ADCY8: variants seen among roughly 807,000 people sequenced by gnomAD.
ADCY8 encodes adenylate cyclase type 8.
ADCY8 carries 51 observed loss-of-function variants against 119.7 expected under a neutral mutation model. The ratio of observed to expected loss-of-function variants is 0.43; its 90% CI spans 0.34 to 0.54. The LOEUF (loss-of-function observed/expected upper bound fraction) is 0.54, where lower values mean the gene tolerates loss of function less well. Among genes scored for constraint, ADCY8 ranks in the 20% least tolerant of loss-of-function variants. ADCY8 has a pLI of 0.03. For missense variants in ADCY8, 1,383 were observed against 1,598.8 expected (o/e 0.87, Z 2.30); for synonymous variants, 665 against 651.0 (o/e 1.02, Z -0.33).
Position 130,945,162 on chromosome 8 carries a change from A to T in ADCY8, c.1242-1700T>A, listed in dbSNP as rs368864609. On this transcript the variant is annotated intron_variant, in intron 3 of 17. Coordinates refer to ENST00000286355, the MANE Select transcript of ADCY8 (RefSeq NM_001115.3). ...ATTCAAGGGCAGCCAGTCAGAAGGT[A>T]TCACTGAGCAAGGAGGCTAGAAAGA... Among the ~76,000 whole-genome samples the T allele has an allele frequency of 3.3e-5, 5 of 152,340 alleles. No homozygotes were observed. In the East Asian group the frequency reaches 9.6e-4, roughly 29 times the overall value.
chr8:130,920,866 T>C (rs1384059422), intron 5 of ADCY8, among the ~76,000 whole-genome samples: 1 of 152,204 alleles, frequency 6.6e-6, no homozygotes, highest in African/African-American at 2.4e-5. Flanking sequence ...GAAGATGAAA[T>C]TCTGAATCCA....
At chr8:130,886,346 G>T (rs139650546) in intron 7 of ADCY8, among the ~76,000 whole-genome samples, 34 of 152,180 alleles carry the variant, frequency 2.2e-4, no homozygotes, top group African/African-American at 7.5e-4. Context: ...ATAGATGTTA[G>T]GGGGTGGCAT....
intron 15 of ADCY8, among the ~76,000 whole-genome samples, chr8:130,795,445 G>A (rs1488980857): frequency 6.6e-6 from 1 of 152,212 alleles, no homozygotes; most frequent in South Asian, 2.1e-4. Context: ...CTGCACACTC[G>A]CGAAGCCGAC....
intron 2 of ADCY8, among the ~76,000 whole-genome samples, chr8:130,955,637 CCAAAAATT>C (rs1211237263): frequency 6.6e-6 from 1 of 152,012 alleles, no homozygotes; most frequent in Non-Finnish European, 1.5e-5. Context: ...TCAAATGGTG[CCAAAAATT>C]GTTGCTACCA....
chr8:131,013,970 GA>G (rs989780112), intron 1 of ADCY8, among the ~76,000 whole-genome samples: 2 of 151,938 alleles, frequency 1.3e-5, no homozygotes, highest in Admixed American at 6.6e-5. Context: ...TAAGAAAAAT[GA>G]AAAAATGGTT....
At chr8:130,835,792 G>A (rs954114216) in intron 12 of ADCY8, among the ~76,000 whole-genome samples, 1 of 152,082 alleles carries the variant, frequency 6.6e-6, no homozygotes, top group Non-Finnish European at 1.5e-5. Flanking sequence ...GTAAATAGTT[G>A]TTAAACTATA....
chr8:131,012,062 C>T (rs1823324510), intron 1 of ADCY8, among the ~76,000 whole-genome samples: 1 of 152,146 alleles, frequency 6.6e-6, no homozygotes, highest in Non-Finnish European at 1.5e-5. Context: ...CATCTCAGAA[C>T]CAGAAACTCT....
chr8:130,942,041 C>G (rs1395918258), intron 4 of ADCY8, among the ~76,000 whole-genome samples: 1 of 152,084 alleles, frequency 6.6e-6, no homozygotes, highest in Non-Finnish European at 1.5e-5. Context: ...CCCAAATCAC[C>G]CCACCCCATG....
At chr8:130,911,529 A>G (rs1191180768) in intron 5 of ADCY8, among the ~76,000 whole-genome samples, 1 of 151,968 alleles carries the variant, frequency 6.6e-6, no homozygotes, top group Non-Finnish European at 1.5e-5. Flanking sequence ...TTTAAAAAGA[A>G]TTATGTTTAA....
chr8:130,847,592 G>T, intron 10 of ADCY8, 79 bp from the exon 11 acceptor site: 2 of 1,217,998 alleles, frequency 1.6e-6, no homozygotes, highest in South Asian at 1.4e-5. Flanking sequence ...GCTGGAAATG[G>T]AGCAGTGTGC....
At chr8:130,948,445 A>G (rs949701041) in intron 3 of ADCY8, among the ~76,000 whole-genome samples, 2 of 152,142 alleles carry the variant, frequency 1.3e-5, no homozygotes, top group Non-Finnish European at 2.9e-5. Flanking sequence ...TTAGATTGGG[A>G]AACGGAGGCC....
intron 5 of ADCY8, among the ~76,000 whole-genome samples, chr8:130,919,032 C>T (rs1820216918): frequency 6.6e-6 from 1 of 152,278 alleles, no homozygotes; most frequent in Middle Eastern, 3.4e-3. Flanking sequence ...CACTGCATTC[C>T]AGCCTGGGCG....
At chr8:130,893,657 G>GGTGT (rs113157821) in intron 7 of ADCY8, among the ~76,000 whole-genome samples, 5,824 of 148,910 alleles carry the variant, frequency 0.039, 154 homozygotes, top group Middle Eastern at 0.13. Flanking sequence ...GGGAGAAGAA[G>GGTGT]GTGTGTGTGT....
intron 7 of ADCY8, 124 bp from the exon 8 acceptor site, chr8:130,884,885 G>C: frequency 1.0e-6 from 1 of 989,860 alleles, no homozygotes; most frequent in Non-Finnish European, 1.6e-6. Context: ...GTTGTATTCA[G>C]TGAAACCTAC....
At chr8:130,797,494 A>G (rs1481244941) in intron 15 of ADCY8, among the ~76,000 whole-genome samples, 2 of 152,170 alleles carry the variant, frequency 1.3e-5, no homozygotes, top group Non-Finnish European at 2.9e-5. Flanking sequence ...CTGTCCCCCC[A>G]TTAATGAATT....
Position 130,883,048 on chromosome 8 carries a change from C to T in ADCY8, c.2109+1516G>A, listed in dbSNP as rs181932563. 6.1e-3 allele frequency among the ~76,000 whole-genome samples: 936 copies of T among 152,228 alleles called. 6 individuals carry two copies. The highest frequency in any genetic ancestry group is 0.011 in the Non-Finnish European group (764 of 68,006). ...CTCTGGCTCTTCTAGAAGAATCTTC[C>T]CTGGTCACAGAAATCAACCTCAGGC... On this transcript the variant is annotated intron_variant, in intron 8 of 17. Transcript: ENST00000286355.
intron 15 of ADCY8, among the ~76,000 whole-genome samples, chr8:130,791,989 G>T (rs550711946): frequency 3.3e-5 from 5 of 152,300 alleles, no homozygotes; most frequent in Non-Finnish European, 5.9e-5. Flanking sequence ...CTTCTGAAAA[G>T]AGTTGTCTAG....
intron 9 of ADCY8, among the ~76,000 whole-genome samples, chr8:130,863,881 G>C (rs1818027577): frequency 6.6e-6 from 1 of 152,068 alleles, no homozygotes; most frequent in Non-Finnish European, 1.5e-5. Context: ...TTAAGATTAA[G>C]ATAAAAACAT....
At chr8:130,802,122 A>G (rs935382987) in intron 14 of ADCY8, among the ~76,000 whole-genome samples, 1 of 151,830 alleles carries the variant, frequency 6.6e-6, no homozygotes, top group East Asian at 1.9e-4. Context: ...CCCTCCTCCA[A>G]TCACAAATTC....
Sources: allele counts gnomAD v4.1 joint callset (sites outside exome capture counted in the v4.1 genomes callset), GRCh38; gene constraint gnomAD v4.1.1; transcripts MANE v1.5; gene names NCBI Gene and HGNC (gene_info 2026-07-23, HGNC 2026-07-21).